The following STXBP5L variants were observed in gnomAD, a reference collection of about 807,000 sequenced individuals.
STXBP5L encodes syntaxin-binding protein 5-like.
STXBP5L carries 65 observed loss-of-function variants against 144.5 expected under a neutral mutation model. That is an observed-to-expected ratio of 0.45 (90% CI 0.37 to 0.55). The LOEUF (loss-of-function observed/expected upper bound fraction) is 0.55. Ranked by LOEUF, STXBP5L falls within the 20% of genes least tolerant of loss-of-function variation. STXBP5L has a pLI of 0.00. For missense variants in STXBP5L, 1,298 were observed against 1,405.5 expected (o/e 0.92, Z 1.22); for synonymous variants, 505 against 469.6 (o/e 1.08, Z -0.97).
intron 22 of STXBP5L, among the ~76,000 whole-genome samples, chr3:121,399,740 C>G (rs1178163891): frequency 1.3e-5 from 2 of 152,218 alleles, no homozygotes; most frequent in East Asian, 1.9e-4. Context: ...GTTCCTTGCC[C>G]TCATTCTGGT....
At chr3:121,099,034 C>G (rs934606300) in intron 5 of STXBP5L, 1 of 152,264 alleles carries the variant, frequency 6.6e-6, no homozygotes, top group East Asian at 1.9e-4. Context: ...TATATACATT[C>G]GTAAGCTTCC....
At chr3:121,190,705 G>GTGGCTGGC (rs1282040535) in intron 9 of STXBP5L, among the ~76,000 whole-genome samples, 13 of 152,146 alleles carry the variant, frequency 8.5e-5, no homozygotes, top group South Asian at 4.1e-4. Flanking sequence ...CCCTGACGGG[G>GTGGCTGGC]CGGCTGGCCG....
intron 19 of STXBP5L, among the ~76,000 whole-genome samples, chr3:121,305,661 C>A (rs1383193475): frequency 6.6e-6 from 1 of 151,986 alleles, no homozygotes; most frequent in African/African-American, 2.4e-5. Context: ...ATAGAATAAA[C>A]CGTACTAAGA....
At chr3:121,133,634 G>A (rs577744841) in intron 7 of STXBP5L, among the ~76,000 whole-genome samples, 1 of 152,268 alleles carries the variant, frequency 6.6e-6, no homozygotes, top group Non-Finnish European at 1.5e-5. Flanking sequence ...ATGCTAAAGA[G>A]TTCTTTAAGT....
chr3:121,365,705 A>AT (rs2045846098), intron 20 of STXBP5L, among the ~76,000 whole-genome samples: 1 of 147,878 alleles, frequency 6.8e-6, no homozygotes, highest in Non-Finnish European at 1.5e-5. Flanking sequence ...AATTTTGTTG[A>AT]TTTTCTGAAG....
chr3:121,315,862 C>A (rs1032105461), intron 19 of STXBP5L, among the ~76,000 whole-genome samples: 3 of 151,786 alleles, frequency 2.0e-5, no homozygotes, highest in African/African-American at 7.3e-5. Flanking sequence ...ATTAGCTGGG[C>A]TTGGTGGCAC....
rs539145338 is a variant in STXBP5L, at chr3:121,350,847, A to G, written c.2177-27869A>G. On this transcript the variant is annotated intron_variant, in intron 20 of 26. Coordinates refer to ENST00000471454, the MANE Select transcript of STXBP5L (RefSeq NM_001308330.2). ...AGGACTTCTCTCCATTGGTTATTCT[A>G]GTAGCCATTCATCTAATCTTTTTTC... is the stretch of plus-strand genomic sequence containing the variant. Among the ~76,000 whole-genome samples the G allele has an allele frequency of 7.2e-5, 11 of 152,122 alleles. No individual in the cohort carries two copies. In the East Asian group the frequency reaches 1.2e-3, roughly 16 times the overall value.
intron 5 of STXBP5L, among the ~76,000 whole-genome samples, chr3:121,110,689 C>T (rs1319647954): frequency 6.6e-6 from 1 of 152,096 alleles, no homozygotes; most frequent in Non-Finnish European, 1.5e-5. Context: ...CTTACAGAAT[C>T]TGATATTATG....
At chr3:121,052,561 ACT>A (rs1193756004) in intron 5 of STXBP5L, among the ~76,000 whole-genome samples, 1 of 152,094 alleles carries the variant, frequency 6.6e-6, no homozygotes, top group Non-Finnish European at 1.5e-5. Flanking sequence ...CATGCTAAAA[ACT>A]CTCAACAAAT....
rs1164709716 is a variant in STXBP5L, at chr3:121,239,055, G to A, written c.1269G>A (p.Pro423=). The change falls in exon 13 of 27, where the codon CCG becomes CCA. Residue 423 remains proline, a synonymous_variant. Transcript: ENST00000471454. Reference sequence around the variant, plus strand: ...CAGCATACTTTGCAGATTGTCCTCCGGATTTGATTCTAGTACTGTATTCTA... The same window carrying A: ...CAGCATACTTTGCAGATTGTCCTCCAGATTTGATTCTAGTACTGTATTCTA... ...TCTAYFADCP[P]DLILVLYSIG... 20 of 1,608,822 alleles carry A rather than the reference G, an allele frequency of 1.2e-5. No homozygotes were observed. The highest frequency in any genetic ancestry group is 1.7e-4 in the Middle Eastern group (1 of 6,054).
chr3:121,308,279 AAAAC>A (rs1417744353), intron 19 of STXBP5L, among the ~76,000 whole-genome samples: 2 of 152,248 alleles, frequency 1.3e-5, no homozygotes, highest in African/African-American at 4.8e-5. Context: ...AATTTTTAAA[AAAAC>A]CTCATATCCA....
intron 3 of STXBP5L, among the ~76,000 whole-genome samples, chr3:121,018,060 C>T (rs920463720): frequency 6.6e-6 from 1 of 151,952 alleles, no homozygotes; most frequent in Admixed American, 6.6e-5. Context: ...GCCTGGGTGA[C>T]AGAGGGAGGC....
chr3:121,312,368 CTTTT>C (rs71619793), intron 19 of STXBP5L, among the ~76,000 whole-genome samples: 2,689 of 60,086 alleles, frequency 0.045, 139 homozygotes, highest in Admixed American at 0.21. Context: ...TAAAGAGCTT[CTTTT>C]TTTTTTTTTT....
At chr3:121,107,457 A>T (rs1274482173) in intron 5 of STXBP5L, among the ~76,000 whole-genome samples, 3 of 152,174 alleles carry the variant, frequency 2.0e-5, no homozygotes, top group Admixed American at 2.0e-4. Flanking sequence ...TCCCAGTGCC[A>T]TATATTAAAT....
intron 9 of STXBP5L, among the ~76,000 whole-genome samples, chr3:121,165,899 T>A (rs1393886329): frequency 1.3e-5 from 2 of 152,206 alleles, no homozygotes; most frequent in Admixed American, 6.5e-5. Flanking sequence ...GTTTTTTTGA[T>A]TTATAGATTT....
At chr3:121,074,877 C>A (rs80230880) in intron 5 of STXBP5L, among the ~76,000 whole-genome samples, 1 of 152,146 alleles carries the variant, frequency 6.6e-6, no homozygotes, top group Non-Finnish European at 1.5e-5. Context: ...TGCTGTCCTC[C>A]AATCACACAT....
intron 19 of STXBP5L, among the ~76,000 whole-genome samples, chr3:121,317,176 G>A (rs1450790945): frequency 6.6e-6 from 1 of 152,070 alleles, no homozygotes; most frequent in Non-Finnish European, 1.5e-5. Context: ...TTTAAAATTG[G>A]ATGAGCATTA....
intron 7 of STXBP5L, among the ~76,000 whole-genome samples, chr3:121,128,487 A>G (rs528144975): frequency 6.6e-6 from 1 of 152,242 alleles, no homozygotes; most frequent in East Asian, 1.9e-4. Flanking sequence ...AAAGGAAAAT[A>G]TTAGCATATT....
intron 2 of STXBP5L, among the ~76,000 whole-genome samples, chr3:120,940,695 T>G (rs1224271011): frequency 6.6e-6 from 1 of 151,764 alleles, no homozygotes; most frequent in African/African-American, 2.4e-5. Context: ...TGAGAGATTG[T>G]TCTTTCAGTC....
Sources: gnomAD v4.1 joint callset for allele counts (sites outside exome capture counted in the v4.1 genomes callset) on GRCh38, gnomAD v4.1.1 for gene constraint, MANE v1.5 for transcripts, NCBI Gene and HGNC (gene_info 2026-07-23, HGNC 2026-07-21) for gene names.